The following MYT1L variants were observed in gnomAD, a reference collection of about 807,000 sequenced individuals.
The protein encoded by MYT1L is myelin transcription factor 1-like protein.
A neutral mutation model predicts 126.7 loss-of-function variants in MYT1L; 12 were observed. The observed-to-expected ratio is 0.09, with a 90% CI of 0.06 to 0.15. The LOEUF is 0.15. MYT1L is among the 10% of genes least tolerant of loss of function. MYT1L has a pLI of 1.00. For synonymous variants in MYT1L, 541 were observed against 604.2 expected, an observed-to-expected ratio of 0.90 and a Z score of 1.53; for missense variants, 979 against 1,585.2, an observed-to-expected ratio of 0.62 and a Z score of 6.49.
intron 3 of MYT1L, among the ~76,000 whole-genome samples, chr2:2,110,484 G>T (rs1042280361): frequency 6.6e-6 from 1 of 151,902 alleles, no homozygotes; most frequent in African/African-American, 2.4e-5. Context: ...GCCAGGGGTC[G>T]CTTTTCTGCT....
chr2:2,082,701 G>GC (rs1224930266), intron 3 of MYT1L, among the ~76,000 whole-genome samples: 1 of 152,202 alleles, frequency 6.6e-6, no homozygotes, highest in Non-Finnish European at 1.5e-5. Flanking sequence ...ACATAGCATA[G>GC]CTTCTTACTG....
In MYT1L at chr2:2,116,171, A is replaced by G. The variant is rs188406146; in HGVS notation, c.-304+56701T>C. On this transcript the variant is annotated intron_variant, in intron 3 of 24. Transcript: ENST00000647738. Reference sequence around the variant, plus strand: ...GGCTAGGCACAAAACCACGAGGAAGAAAAGGCCATCCAGGGACTGGAATGC... The same window carrying G: ...GGCTAGGCACAAAACCACGAGGAAGGAAAGGCCATCCAGGGACTGGAATGC... Among the ~76,000 whole-genome samples, 239 of 152,370 alleles carry G rather than the reference A, an allele frequency of 1.6e-3. 2 individuals carry two copies. Among genetic ancestry groups the G allele is most frequent in the African/African-American group, 4.4e-3 (182 of 41,586 alleles).
At chr2:2,099,825 A>C (rs950221411) in intron 3 of MYT1L, among the ~76,000 whole-genome samples, 1 of 152,356 alleles carries the variant, frequency 6.6e-6, no homozygotes, top group East Asian at 1.9e-4. Flanking sequence ...GAATCGCATT[A>C]AGACTAAGAA....
chr2:2,295,954 GAGAA>G (rs1391952481), intron 1 of MYT1L, among the ~76,000 whole-genome samples: 1 of 151,772 alleles, frequency 6.6e-6, no homozygotes, highest in Non-Finnish European at 1.5e-5. Flanking sequence ...GAGAGAGGTA[GAGAA>G]AGAGAGAGAA....
chr2:2,228,625 G>T lies in MYT1L; in HGVS notation c.-420-55637C>A, dbSNP rs1246110619. ...AAATTTTAAGCTAATAATATAAATTGCAGTCTAGAAACCCACTTTGTCTAT... is the reference window on the plus strand; with the variant it reads ...AAATTTTAAGCTAATAATATAAATTTCAGTCTAGAAACCCACTTTGTCTAT... On this transcript the variant is annotated intron_variant, in intron 2 of 24. Transcript: ENST00000647738. This position sits in a 1 kb window ranked among gnomAD's most constrained non-coding sequence, Gnocchi z 5.9. 6.6e-6 allele frequency among the ~76,000 whole-genome samples: 1 copy of T among 152,020 alleles called. No individual in the cohort carries two copies. The highest frequency in any genetic ancestry group is 1.5e-5 in the Non-Finnish European group (1 of 68,006).
At chr2:2,111,213 A>T (rs1197044472) in intron 3 of MYT1L, among the ~76,000 whole-genome samples, 1 of 152,104 alleles carries the variant, frequency 6.6e-6, no homozygotes, top group Non-Finnish European at 1.5e-5. Flanking sequence ...AAAGACTCTA[A>T]GCTGTACACC....
intron 8 of MYT1L, among the ~76,000 whole-genome samples, chr2:1,969,334 C>T (rs989278934): frequency 1.3e-5 from 2 of 152,212 alleles, no homozygotes; most frequent in African/African-American, 2.4e-5. Context: ...GCCGTTGGCT[C>T]TGTGTGTGAG....
At chr2:2,164,673 T>C (rs1376912356) in intron 3 of MYT1L, among the ~76,000 whole-genome samples, 3 of 152,194 alleles carry the variant, frequency 2.0e-5, no homozygotes, top group Non-Finnish European at 4.4e-5. Flanking sequence ...AGAAATACCA[T>C]CTGCATAAAC....
chr2:1,862,704 T>A (rs2044850647), intron 18 of MYT1L, among the ~76,000 whole-genome samples: 1 of 152,162 alleles, frequency 6.6e-6, no homozygotes, highest in Non-Finnish European at 1.5e-5. Flanking sequence ...TCCCTCTGGT[T>A]ACAAAGAGGG....
At chr2:2,195,364 G>C (rs766785049) in intron 2 of MYT1L, among the ~76,000 whole-genome samples, 1 of 152,194 alleles carries the variant, frequency 6.6e-6, no homozygotes, top group Admixed American at 6.5e-5. Context: ...ACTGAAAATA[G>C]CTCAGCTCTC....
intron 3 of MYT1L, among the ~76,000 whole-genome samples, chr2:2,149,920 G>A (rs2085468979): frequency 6.6e-6 from 1 of 152,072 alleles, no homozygotes. Flanking sequence ...CTCTCATCTG[G>A]ACCACAGCTT....
intron 13 of MYT1L, among the ~76,000 whole-genome samples, chr2:1,906,236 A>C (rs1390114220): frequency 6.6e-6 from 1 of 152,152 alleles, no homozygotes; most frequent in Non-Finnish European, 1.5e-5. Context: ...AGAATCTTAC[A>C]CTTTTACATA....
chr2:2,029,204 A>G (rs1407998938), intron 4 of MYT1L, among the ~76,000 whole-genome samples: 1 of 152,216 alleles, frequency 6.6e-6, no homozygotes, highest in African/African-American at 2.4e-5. Flanking sequence ...AGTGAATGAC[A>G]TTCGTGACTG....
At chr2:2,291,815 G>A (rs936113380) in intron 1 of MYT1L, among the ~76,000 whole-genome samples, 2 of 152,230 alleles carry the variant, frequency 1.3e-5, no homozygotes, top group Non-Finnish European at 2.9e-5. Flanking sequence ...CCACATGACC[G>A]GGTCTGAAAA....
chr2:1,909,676 AT>A (rs1326872607), intron 13 of MYT1L, among the ~76,000 whole-genome samples: 1 of 152,192 alleles, frequency 6.6e-6, no homozygotes, highest in Non-Finnish European at 1.5e-5. Flanking sequence ...CGGGTCAGTC[AT>A]TTAACCTCCG....
At chr2:2,134,430 T>A (rs1389491545) in intron 3 of MYT1L, among the ~76,000 whole-genome samples, 3 of 152,242 alleles carry the variant, frequency 2.0e-5, no homozygotes, top group African/African-American at 7.2e-5. Context: ...TGTATGTCCC[T>A]TGCTGAAAAT....
intron 18 of MYT1L, among the ~76,000 whole-genome samples, chr2:1,865,401 G>A (rs999365445): frequency 6.6e-6 from 1 of 152,184 alleles, no homozygotes; most frequent in African/African-American, 2.4e-5. Context: ...GCCAGACCGG[G>A]TTTGGCCTGA....
rs138787450 is a variant in MYT1L, at chr2:2,263,181, A to G, written c.-421+21223T>C. Among the ~76,000 whole-genome samples the G allele has an allele frequency of 2.9e-3, 436 of 151,720 alleles. 2 individuals are homozygous for G. Among genetic ancestry groups the G allele is most frequent in the African/African-American group, 0.01 (421 of 41,380 alleles). ...CAACATGCAACTTCCTTTTTTGATG[A>G]ATTAATTGATTAGGATTCCCATAAA... is the stretch of plus-strand genomic sequence containing the variant. On this transcript the variant is annotated intron_variant, in intron 2 of 24. Transcript: ENST00000647738.
chr2:1,840,134 A>G (rs1289223390), intron 20 of MYT1L, among the ~76,000 whole-genome samples: 2 of 152,314 alleles, frequency 1.3e-5, no homozygotes, highest in East Asian at 3.9e-4. Context: ...GACAAATCTT[A>G]ATTTATTTGA....
Sources: allele counts gnomAD v4.1 joint callset (sites outside exome capture counted in the v4.1 genomes callset), GRCh38; gene constraint gnomAD v4.1.1; non-coding constraint Gnocchi (gnomAD v3.1); transcripts MANE v1.5; gene names NCBI Gene and HGNC (gene_info 2026-07-23, HGNC 2026-07-21).